The following ABCG1 variants were observed in gnomAD, a reference collection of about 807,000 sequenced individuals.
ABCG1 encodes ATP-binding cassette sub-family G member 1.
In ABCG1, 29 loss-of-function variants were observed where a neutral mutation model predicts 69.2. The ratio of observed to expected loss-of-function variants is 0.42; its 90% confidence interval spans 0.31 to 0.57. The LOEUF is 0.57. Among genes scored for constraint, ABCG1 ranks in the 20% least tolerant of loss-of-function variants. The pLI is 0.15. For synonymous variants in ABCG1, 370 were observed against 374.8 expected (o/e 0.99, Z 0.15); for missense variants, 718 against 898.1 (o/e 0.80, Z 2.56).
chr21:42,267,163 C>T (rs977834394), intron 2 of ABCG1, among the ~76,000 whole-genome samples: 2 of 152,238 alleles, frequency 1.3e-5, no homozygotes, highest in African/African-American at 4.8e-5. Flanking sequence ...GTGGAGCCTT[C>T]CTCCCACCCA....
rs1038258749 is a variant in ABCG1 at position 42,297,090 on chromosome 21, G to A, written c.*698G>A. 2.0e-5 allele frequency: 3 copies of A among 152,578 alleles called. No individual in the cohort carries two copies. Among genetic ancestry groups the A allele is most frequent in the Non-Finnish European group, 2.9e-5 (2 of 68,294 alleles). The allele number at this position is 152,578 out of a possible 1,614,324, so 9.5% of individuals were successfully genotyped here. ...AAGGATTGAATGCAGGTTCCAGGTG[G>A]AGGGAAGACGTGGACACCATCTCCA... On this transcript the variant is annotated 3_prime_UTR_variant, in exon 15 of 15. Coordinates refer to ENST00000398449, the MANE Select transcript of ABCG1 (RefSeq NM_016818.3).
In ABCG1 at chr21:42,297,147, CA is replaced by C. The variant is rs1341400943; in HGVS notation, c.*761del. On this transcript the variant is annotated 3_prime_UTR_variant, in exon 15 of 15. Coordinates refer to ENST00000398449, the MANE Select transcript of ABCG1 (RefSeq NM_016818.3). ...CATGCAGACATTTTTAAAAGCTATACAAAAAATTGTGAGAAGACATTGGCCA... is the reference window on the plus strand; with the variant it reads ...CATGCAGACATTTTTAAAAGCTATACAAAAATTGTGAGAAGACATTGGCCA... The C allele has an allele frequency of 6.6e-6, 1 of 152,168 alleles. No individual in the cohort carries two copies. The highest frequency in any genetic ancestry group is 1.5e-5 in the Non-Finnish European group (1 of 68,038). 9.4% of individuals were successfully genotyped at this position (152,168 alleles called of 1,614,324 possible).
At position 42,296,263 on chromosome 21, in the gene ABCG1, C is replaced by T; in HGVS notation, c.1872C>T (p.Ala624=). 6.2e-7 allele frequency: 1 copy of T among 1,614,156 alleles called. No individual in the cohort carries two copies. The highest frequency in any genetic ancestry group is 1.6e-4 in the Middle Eastern group (1 of 6,062). ...DETCHFQKSE[A]ILRELDVENA... Reference sequence around the variant, plus strand: ...CGTGCCACTTCCAGAAGTCGGAGGCCATCCTGCGGGAGCTGGACGTGGAAA... The same window carrying T: ...CGTGCCACTTCCAGAAGTCGGAGGCTATCCTGCGGGAGCTGGACGTGGAAA... The change falls in exon 15 of 15, where the codon GCC becomes GCT. Residue 624 remains alanine, a synonymous_variant. Transcript: ENST00000398449. This position sits in a 1 kb window ranked among gnomAD's most constrained non-coding sequence, Gnocchi z 5.4.
intron 2 of ABCG1, among the ~76,000 whole-genome samples, chr21:42,262,325 A>C (rs1293859564): frequency 6.6e-6 from 1 of 152,194 alleles, no homozygotes; most frequent in African/African-American, 2.4e-5. Flanking sequence ...TTGTGGAATG[A>C]AAAATAAATT....
At chr21:42,201,573 A>G in intron 1 of ABCG1, 1 of 1,523,512 alleles carries the variant, frequency 6.6e-7, no homozygotes, top group Non-Finnish European at 8.9e-7. Flanking sequence ...CCACTCCACC[A>G]CAGCGCTACA....
intron 2 of ABCG1, among the ~76,000 whole-genome samples, chr21:42,247,354 C>G (rs2068148896): frequency 6.6e-6 from 1 of 152,052 alleles, no homozygotes; most frequent in African/African-American, 2.4e-5. Flanking sequence ...TGAATAATGC[C>G]CAGAGAAGGG....
At position 42,253,203 on chromosome 21, in the gene ABCG1, C is replaced by T. The variant is rs190366260; in HGVS notation, c.287-17867C>T. Among the ~76,000 whole-genome samples the T allele has an allele frequency of 5.9e-5, 9 of 152,196 alleles. No individual in the cohort carries two copies. The East Asian group carries it at 7.7e-4, about 13-fold the overall frequency. On this transcript the variant is annotated intron_variant, in intron 2 of 14. Transcript: ENST00000398449. ...GGAGGATCCTTTCAGCTGGAGATGC[C>T]GGAAGTTGGCAGAGCTGGGGTAAAG...
At chr21:42,257,399 G>A (rs967417262) in intron 2 of ABCG1, among the ~76,000 whole-genome samples, 1 of 152,190 alleles carries the variant, frequency 6.6e-6, no homozygotes, top group African/African-American at 2.4e-5. Flanking sequence ...TCCATTGCCC[G>A]GTGCTATCAT....
chr21:42,294,146 T>C lies in ABCG1; in HGVS notation c.1654-396T>C, dbSNP rs144251996. On this transcript the variant is annotated intron_variant, in intron 13 of 14. Coordinates refer to ENST00000398449, the MANE Select transcript of ABCG1 (RefSeq NM_016818.3). ...TCCCGCCTGTGAAGGCTGCAGTCCTTCCACTGTGCCCCGACCGAAGGGGTG... is the reference window on the plus strand; with the variant it reads ...TCCCGCCTGTGAAGGCTGCAGTCCTCCCACTGTGCCCCGACCGAAGGGGTG... Among the ~76,000 whole-genome samples, 143 of 152,208 alleles carry C rather than the reference T, an allele frequency of 9.4e-4. 2 individuals are homozygous for C. The highest frequency in any genetic ancestry group is 3.3e-3 in the African/African-American group (139 of 41,526).
At chr21:42,230,920 C>G (rs1474906233) in intron 2 of ABCG1, among the ~76,000 whole-genome samples, 5 of 152,166 alleles carry the variant, frequency 3.3e-5, no homozygotes, top group Admixed American at 1.3e-4. Flanking sequence ...GAACTCAGAA[C>G]CAGGTCTGTG....
rs568492797 is a variant in ABCG1, at chr21:42,297,033, C to T, written c.*641C>T. On this transcript the variant is annotated 3_prime_UTR_variant, in exon 15 of 15. Coordinates refer to ENST00000398449, the MANE Select transcript of ABCG1 (RefSeq NM_016818.3). ...GAGGCGAGGGGTTTAACCGAGTCAC[C>T]CAGCTGGTCTCATACATAGACAGCA... 1.9e-5 allele frequency: 3 copies of T among 155,490 alleles called. No homozygotes were observed. Among genetic ancestry groups the T allele is most frequent in the African/African-American group, 7.2e-5 (3 of 41,558 alleles). The allele number at this position is 155,490 out of a possible 1,614,324, so 9.6% of individuals were successfully genotyped here. A position where few individuals can be genotyped will look rare whatever the true frequency, so the allele number is the denominator to read the frequency against.
At chr21:42,211,645 C>T (rs1489204883), upstream of ABCG1, among the ~76,000 whole-genome samples, 5 of 151,692 alleles carry the variant, frequency 3.3e-5, no homozygotes, top group South Asian at 4.2e-4. Flanking sequence ...TTTGGGAGGC[C>T]GAGGCAGGTG....
intron 7 of ABCG1, 21 bp downstream of exon 7, chr21:42,284,704 C>A (rs775293969): frequency 1.2e-6 from 2 of 1,609,792 alleles, no homozygotes; most frequent in African/African-American, 1.3e-5. Flanking sequence ...CCCGGGCCCT[C>A]CCCGCCAGAT....
intron 6 of ABCG1, among the ~76,000 whole-genome samples, chr21:42,283,728 G>GTTGTGAAGTACCCCCCAACCCAA (rs2068865207): frequency 2.6e-5 from 1 of 39,164 alleles, no homozygotes; most frequent in African/African-American, 2.1e-4. Flanking sequence ...CCACCACCCA[G>GTTGTGAAGTACCCCCCAACCCAA]ATGAGTGGGG....
rs537130597 is a variant in ABCG1, at chr21:42,273,231, C to T, written c.405-72C>T. 6.3e-5 allele frequency: 97 copies of T among 1,543,954 alleles called. No individual in the cohort carries two copies. Among genetic ancestry groups the T allele is most frequent in the Non-Finnish European group, 8.2e-5 (94 of 1,146,370 alleles). The stretch of plus-strand genomic sequence containing the variant: ...GAGGCAAGCCCCCGTCTCTGGCTCC[C>T]CTCTCCTGCCCCGGGAGGTGGAGGA... On this transcript the variant is annotated intron_variant, in intron 3 of 14. Coordinates refer to ENST00000398449, the MANE Select transcript of ABCG1 (RefSeq NM_016818.3). This position sits in a 1 kb window ranked among gnomAD's most constrained non-coding sequence, Gnocchi z 5.3.
intron 5 of ABCG1, among the ~76,000 whole-genome samples, chr21:42,280,859 C>T (rs1026937164): frequency 2.0e-5 from 3 of 152,142 alleles, no homozygotes; most frequent in South Asian, 2.1e-4. Flanking sequence ...GACCAGCAGT[C>T]GATGCCAGCT....
intron 2 of ABCG1, among the ~76,000 whole-genome samples, chr21:42,242,881 C>A (rs1352426413): frequency 2.0e-5 from 3 of 152,084 alleles, no homozygotes; most frequent in Non-Finnish European, 4.4e-5. Context: ...GGGCTGCACC[C>A]CCGGGGGTCT....
chr21:42,273,161 C>T lies in ABCG1; in HGVS notation c.405-142C>T. The T allele has an allele frequency of 8.8e-7, 1 of 1,131,332 alleles. No homozygotes were observed. Among genetic ancestry groups the T allele is most frequent in the East Asian group, 2.4e-5 (1 of 41,476 alleles). 70.1% of individuals were successfully genotyped at this position (1,131,332 alleles called of 1,614,324 possible). ...CTAGCGAGGTCCGGTCCCTTTCTGC[C>T]CCTCGGGGTCCCCGTGGCCAGTGGT... On this transcript the variant is annotated intron_variant, in intron 3 of 14. Transcript: ENST00000398449. This position sits in a 1 kb window ranked among gnomAD's most constrained non-coding sequence, Gnocchi z 5.3.
chr21:42,263,040 C>T (rs929716297), intron 2 of ABCG1, among the ~76,000 whole-genome samples: 1 of 152,322 alleles, frequency 6.6e-6, no homozygotes, highest in Non-Finnish European at 1.5e-5. Flanking sequence ...CCGTGTCCCC[C>T]GACTCTTCCT....
Sources: gnomAD v4.1 joint callset for allele counts (sites outside exome capture counted in the v4.1 genomes callset) on GRCh38, gnomAD v4.1.1 for gene constraint, Gnocchi (gnomAD v3.1) non-coding constraint, MANE v1.5 for transcripts, NCBI Gene and HGNC (gene_info 2026-07-23, HGNC 2026-07-21) for gene names.